LIMK2: variants seen among roughly 807,000 people sequenced by gnomAD.
The protein encoded by LIMK2 is LIM domain kinase 2.
In LIMK2, 35 loss-of-function variants were observed where a neutral mutation model predicts 75.7. The ratio of observed to expected loss-of-function variants is 0.46; its 90% CI spans 0.35 to 0.61. The LOEUF is 0.61. LIMK2 is among the 20% of genes least tolerant of loss of function. The pLI, the probability that LIMK2 is intolerant of heterozygous loss-of-function variation, is 0.00. For synonymous variants in LIMK2, 301 were observed against 319.2 expected (o/e 0.94, Z 0.61); for missense variants, 623 against 831.0 (o/e 0.75, Z 3.08).
rs369952672 is a variant in LIMK2 at position 31,272,568 on chromosome 22, G to A, written c.1422G>A (p.Arg474=). The change falls in exon 13 of 16, where the codon CGG becomes CGA. Residue 474 remains arginine, a synonymous_variant. Coordinates refer to ENST00000331728, the MANE Select transcript of LIMK2 (RefSeq NM_005569.4). ...TVVVADFGLS[R]LIVEERKRAP... ...TGGTGGCAGACTTTGGGCTGTCACGGCTCATAGTGGAAGAGAGGAAAAGGG... is the reference window on the plus strand; with the variant it reads ...TGGTGGCAGACTTTGGGCTGTCACGACTCATAGTGGAAGAGAGGAAAAGGG... The A allele has an allele frequency of 1.9e-6, 3 of 1,613,668 alleles. No homozygotes were observed. The highest frequency in any genetic ancestry group is 2.5e-6 in the Non-Finnish European group (3 of 1,179,934).
Position 31,269,644 on chromosome 22 carries a change from C to T in LIMK2, c.1317+1444C>T, listed in dbSNP as rs56390892. Among the ~76,000 whole-genome samples, 565 of 151,972 alleles carry T rather than the reference C, an allele frequency of 3.7e-3. 2 individuals are homozygous for T. The highest frequency in any genetic ancestry group is 5.2e-3 in the Non-Finnish European group (352 of 67,964). On this transcript the variant is annotated intron_variant, in intron 11 of 15. Transcript: ENST00000331728. ...CAAAAATTAGCTGGGCGTGGTGGTG[C>T]ACGCCTGTAGTCCCAGCTACTCAGG... is the stretch of plus-strand genomic sequence containing the variant.
intron 2 of LIMK2, among the ~76,000 whole-genome samples, chr22:31,255,978 C>CTTTTTTTTTTTTTTTTTTTTTTTTTTTTT (rs567250437): frequency 3.4e-5 from 1 of 29,682 alleles, no homozygotes; most frequent in African/African-American, 1.2e-4. Context: ...TATATTGGGT[C>CTTTTTTTTTTTTTTTTTTTTTTTTTTTTT]TTTTTTTTTT....
chr22:31,260,033 G>A lies in LIMK2; in HGVS notation c.507G>A (p.Val169=), dbSNP rs1351403805. 22 of 1,606,568 alleles carry A rather than the reference G, an allele frequency of 1.4e-5. No individual in the cohort carries two copies. The highest frequency in any genetic ancestry group is 1.8e-5 in the Non-Finnish European group (21 of 1,177,864). Residue 169 remains valine, a synonymous_variant, in exon 5 of 16, where the codon GTG becomes GTA. Transcript: ENST00000331728. ...GCAGGCGGGGCTTCTCCGTGTCCGTGGAGAGTGCCTGCTCCAACTACGCCA... is the reference window on the plus strand; with the variant it reads ...GCAGGCGGGGCTTCTCCGTGTCCGTAGAGAGTGCCTGCTCCAACTACGCCA... ...TEGRRGFSVS[V]ESACSNYATT...
intron 2 of LIMK2, among the ~76,000 whole-genome samples, chr22:31,249,944 C>T (rs1463077815): frequency 6.6e-6 from 1 of 152,204 alleles, no homozygotes; most frequent in Non-Finnish European, 1.5e-5. Context: ...CCCCATTTTA[C>T]AGATGAGGCA....
intron 2 of LIMK2, chr22:31,248,870 C>T (rs565728243): frequency 7.8e-6 from 10 of 1,280,562 alleles, no homozygotes; most frequent in Admixed American, 7.0e-5. Flanking sequence ...CCTTTACCAT[C>T]GGTTCTGCCG....
In LIMK2 at chr22:31,278,671, T is replaced by C. The variant is rs1448462351; in HGVS notation, c.*230T>C. The C allele has an allele frequency of 2.4e-5, 9 of 382,834 alleles. No homozygotes were observed. The highest frequency in any genetic ancestry group is 4.0e-5 in the East Asian group (1 of 25,018). The allele number at this position is 382,834 out of a possible 1,614,324, so 23.7% of individuals were successfully genotyped here. ...ACTGTCTGTAAATCCAATACTTGCC[T>C]GAAAGCTGTGAAGAAGAAAAAAACC... On this transcript the variant is annotated 3_prime_UTR_variant, in exon 16 of 16. Coordinates refer to ENST00000331728, the MANE Select transcript of LIMK2 (RefSeq NM_005569.4).
At chr22:31,271,278 G>A in intron 12 of LIMK2, 77 bp downstream of exon 12, 2 of 1,287,482 alleles carry the variant, frequency 1.6e-6, no homozygotes, top group Admixed American at 1.7e-5. Flanking sequence ...AGGCTGACTT[G>A]TCCCCTCTGG....
At chr22:31,267,411 C>T (rs2048906911) in intron 9 of LIMK2, among the ~76,000 whole-genome samples, 1 of 152,204 alleles carries the variant, frequency 6.6e-6, no homozygotes, top group Non-Finnish European at 1.5e-5. Flanking sequence ...CTAAGGGAGC[C>T]TGGAGGGGAG....
intron 2 of LIMK2, chr22:31,248,752 C>G: frequency 6.2e-7 from 1 of 1,614,204 alleles, no homozygotes; most frequent in Non-Finnish European, 8.5e-7. Flanking sequence ...CTTACTTCAC[C>G]TCCAGAGACC....
At chr22:31,234,739 A>AC (rs2048558180) in intron 2 of LIMK2, among the ~76,000 whole-genome samples, 1 of 151,424 alleles carries the variant, frequency 6.6e-6, no homozygotes, top group Non-Finnish European at 1.5e-5. Context: ...AAAAAAAAAA[A>AC]AAATTCCTTA....
intron 11 of LIMK2, among the ~76,000 whole-genome samples, chr22:31,269,093 A>C (rs1461602752): frequency 2.6e-5 from 4 of 150,984 alleles, no homozygotes; most frequent in Non-Finnish European, 4.4e-5. Context: ...GGCTTGAATC[A>C]GGAAGGAGGT....
intron 1 of LIMK2, among the ~76,000 whole-genome samples, chr22:31,216,997 G>A (rs1479438218): frequency 6.6e-6 from 1 of 152,082 alleles, no homozygotes; most frequent in Non-Finnish European, 1.5e-5. Context: ...TGAAACCAAT[G>A]CCTGGTTTCA....
chr22:31,268,155 C>T lies in LIMK2; in HGVS notation c.1272C>T (p.Pro424=), dbSNP rs765529971. 8.7e-6 allele frequency: 14 copies of T among 1,613,920 alleles called. No homozygotes were observed. The highest frequency in any genetic ancestry group is 1.2e-5 in the Non-Finnish European group (14 of 1,179,974). ...TCCCCATTCTGCAGGATCCGTTCCC[C>T]TGGCAGCAGAAGGTCAGGTTTGCCA... The part of the protein sequence containing the change: ...KDFLRSMDPF[P]WQQKVRFAKG... Residue 424 remains proline, a synonymous_variant, in exon 11 of 16, where the codon CCC becomes CCT. Transcript: ENST00000331728.
Position 31,273,491 on chromosome 22 carries a change from G to A in LIMK2, c.1598G>A (p.Gly533Glu), listed in dbSNP as rs748805795. 6.2e-7 allele frequency: 1 copy of A among 1,613,890 alleles called. No homozygotes were observed. Among genetic ancestry groups the A allele is most frequent in the South Asian group, 1.1e-5 (1 of 91,070 alleles). ...GAGACGGTGGATATCTTCTCCTTTG[G>A]GATCGTTCTCTGTGAGGTGAGCTCT... ...YDETVDIFSF[G>E]IVLCEIIGQV... The change falls in exon 14 of 16, where the codon GGG (glycine) becomes GAG (glutamate). Residue 533 changes from glycine (G) to glutamate (E), a missense_variant. By Grantham distance (98) the Gly-to-Glu change is moderately conservative. This residue lies in a region of LIMK2 where 63 missense variants were observed against 122.8 expected (regional missense o/e 0.51). Coordinates refer to ENST00000331728, the MANE Select transcript of LIMK2 (RefSeq NM_005569.4).
chr22:31,254,521 T>C (rs2048757632), intron 2 of LIMK2, among the ~76,000 whole-genome samples: 1 of 152,184 alleles, frequency 6.6e-6, no homozygotes, highest in African/African-American at 2.4e-5. Flanking sequence ...GCTGTTTTTG[T>C]CCTCAGGGAG....
rs1405530606 is a variant in LIMK2, at chr22:31,258,866, C to G, written c.253-255C>G. 5 of 454,136 alleles carry G rather than the reference C, an allele frequency of 1.1e-5. No homozygotes were observed. The Admixed American group carries it at 1.7e-4, about 15-fold the overall frequency. 28.1% of individuals were successfully genotyped at this position (454,136 alleles called of 1,614,324 possible). ...CCAACCCTGTATTGGAAGAACTGATCTTTTTTAGTGGGGATGATTACTTCT... is the reference window on the plus strand; with the variant it reads ...CCAACCCTGTATTGGAAGAACTGATGTTTTTTAGTGGGGATGATTACTTCT... On this transcript the variant is annotated intron_variant, in intron 3 of 15. Coordinates refer to ENST00000331728, the MANE Select transcript of LIMK2 (RefSeq NM_005569.4).
chr22:31,247,623 TAG>T (rs1426343433), intron 2 of LIMK2, among the ~76,000 whole-genome samples: 1 of 152,184 alleles, frequency 6.6e-6, no homozygotes, highest in African/African-American at 2.4e-5. Context: ...GCTCCAGCTC[TAG>T]AGTCACATGA....
At chr22:31,250,895 G>A (rs2048718409) in intron 2 of LIMK2, among the ~76,000 whole-genome samples, 1 of 152,212 alleles carries the variant, frequency 6.6e-6, no homozygotes. Context: ...AGGCCTCTGG[G>A]GGAGTACAAA....
chr22:31,275,795 A>G (rs1289302148), intron 15 of LIMK2: 2 of 154,462 alleles, frequency 1.3e-5, no homozygotes, highest in African/African-American at 4.8e-5. Context: ...TTCTCTTTAC[A>G]ATAGGTATTT....
Sources: gnomAD v4.1 joint callset for allele counts (sites outside exome capture counted in the v4.1 genomes callset) on GRCh38, gnomAD v4.1.1 for gene constraint, gnomAD v4.1.1 regional missense constraint, MANE v1.5 for transcripts, NCBI Gene and HGNC (gene_info 2026-07-23, HGNC 2026-07-21) for gene names.